Variants in PLCB1 observed in about 807,000 individuals in gnomAD.
PLCB1 encodes the protein 1-phosphatidylinositol 4,5-bisphosphate phosphodiesterase beta-1.
PLCB1 carries 46 observed loss-of-function variants against 161.8 expected under a neutral mutation model. The observed-to-expected ratio is 0.28, with a 90% CI of 0.22 to 0.36. PLCB1 has a LOEUF of 0.36. Among genes scored for constraint, PLCB1 ranks in the 10% least tolerant of loss-of-function variants. The pLI is 1.00. For synonymous variants in PLCB1, 517 were observed against 503.7 expected, an observed-to-expected ratio of 1.03 and a Z score of -0.35; for missense variants, 1,016 against 1,472.5, an observed-to-expected ratio of 0.69 and a Z score of 5.07.
intron 2 of PLCB1, among the ~76,000 whole-genome samples, chr20:8,202,820 G>A (rs1038742861): frequency 6.6e-6 from 1 of 152,130 alleles, no homozygotes; most frequent in Non-Finnish European, 1.5e-5. Context: ...GGGAGCACAG[G>A]GATGGAAATA....
At position 8,643,615 on chromosome 20, in the gene PLCB1, A is replaced by G. The variant is rs544667678; in HGVS notation, c.385-2487A>G. On this transcript the variant is annotated intron_variant, in intron 4 of 31. Coordinates refer to ENST00000338037, the MANE Select transcript of PLCB1 (RefSeq NM_015192.4). ...AGAAACAACAAAAAAACAGGTGGCA[A>G]AGCAATTAAACTAAAAGACATTATT... Among the ~76,000 whole-genome samples, 48 of 152,276 alleles carry G rather than the reference A, an allele frequency of 3.2e-4. No homozygotes were observed. The South Asian group carries it at 9.7e-3, about 31-fold the overall frequency.
At chr20:8,413,004 C>T (rs550596129) in intron 3 of PLCB1, among the ~76,000 whole-genome samples, 12 of 150,214 alleles carry the variant, frequency 8.0e-5, no homozygotes, top group South Asian at 2.1e-4. Flanking sequence ...ATTTACCCAG[C>T]GAATTGGTTT....
intron 4 of PLCB1, among the ~76,000 whole-genome samples, chr20:8,632,034 G>GTTTTT (rs750797408): frequency 6.1e-5 from 5 of 81,750 alleles, no homozygotes; most frequent in East Asian, 1.2e-3. Context: ...GGTTTTTTTT[G>GTTTTT]CTTTTTTTTT....
At chr20:8,365,987 A>T (rs1465385980) in intron 2 of PLCB1, among the ~76,000 whole-genome samples, 1 of 152,112 alleles carries the variant, frequency 6.6e-6, no homozygotes, top group Non-Finnish European at 1.5e-5. Context: ...TTCATGTCTC[A>T]TCTACCACAC....
chr20:8,259,494 T>C (rs1414355384), intron 2 of PLCB1, among the ~76,000 whole-genome samples: 2 of 152,096 alleles, frequency 1.3e-5, no homozygotes, highest in African/African-American at 2.4e-5. Flanking sequence ...CACACTCCTG[T>C]GGTCCCAGCT....
At chr20:8,388,990 T>A (rs1322731229) in intron 3 of PLCB1, among the ~76,000 whole-genome samples, 1 of 152,212 alleles carries the variant, frequency 6.6e-6, no homozygotes, top group Non-Finnish European at 1.5e-5. Flanking sequence ...GATGTTTGCA[T>A]TTAAAACTCT....
At chr20:8,497,863 T>G (rs1274072181) in intron 3 of PLCB1, among the ~76,000 whole-genome samples, 1 of 152,196 alleles carries the variant, frequency 6.6e-6, no homozygotes, top group Non-Finnish European at 1.5e-5. Context: ...CTATAGAAAT[T>G]TAGCCTATTA....
intron 3 of PLCB1, among the ~76,000 whole-genome samples, chr20:8,391,761 A>G (rs1987590530): frequency 1.1e-5 from 1 of 88,460 alleles, no homozygotes; most frequent in South Asian, 4.7e-4. Flanking sequence ...GTAAATAATG[A>G]AGTATATATA....
intron 10 of PLCB1, 81 bp from the exon 11 acceptor site, chr20:8,697,545 A>T (rs1333446384): frequency 1.4e-6 from 2 of 1,407,152 alleles, no homozygotes; most frequent in Non-Finnish European, 2.0e-6. Flanking sequence ...TTTTCCTGTT[A>T]TTGAGGAGCC....
chr20:8,623,658 T>TA (rs771391969), intron 3 of PLCB1, among the ~76,000 whole-genome samples: 2 of 152,158 alleles, frequency 1.3e-5, no homozygotes, highest in African/African-American at 2.4e-5. Context: ...AAAAAATAGC[T>TA]AAAAAATATT....
chr20:8,878,772 A>G (rs997568122), intron 31 of PLCB1, among the ~76,000 whole-genome samples: 1 of 151,030 alleles, frequency 6.6e-6, no homozygotes, highest in African/African-American at 2.4e-5. Flanking sequence ...AATAATTTTT[A>G]TAAATTTTTA....
Position 8,404,674 on chromosome 20 carries a change from GT to G in PLCB1, c.246+33228del, listed in dbSNP as rs1205486866. On this transcript the variant is annotated intron_variant, in intron 3 of 31. Transcript: ENST00000338037. ...ACATTCTATAATTTAAATATTCAAAGTTTTGAAAATGTACAGATTCTTTTAG... is the reference window on the plus strand; with the variant it reads ...ACATTCTATAATTTAAATATTCAAAGTTTGAAAATGTACAGATTCTTTTAG... Among the ~76,000 whole-genome samples, 4 of 152,168 alleles carry G rather than the reference GT, an allele frequency of 2.6e-5. No homozygotes were observed. In the East Asian group the frequency reaches 7.7e-4, roughly 29 times the overall value.
At chr20:8,414,693 T>C (rs1016086610) in intron 3 of PLCB1, among the ~76,000 whole-genome samples, 1 of 152,210 alleles carries the variant, frequency 6.6e-6, no homozygotes, top group Non-Finnish European at 1.5e-5. Flanking sequence ...TCTGTATCTG[T>C]GTTGTCTGTA....
At chr20:8,707,558 C>T (rs1978756413) in intron 11 of PLCB1, among the ~76,000 whole-genome samples, 1 of 152,120 alleles carries the variant, frequency 6.6e-6, no homozygotes, top group Admixed American at 6.6e-5. Flanking sequence ...GCATGCATTA[C>T]TCTGGGCAAT....
intron 9 of PLCB1, among the ~76,000 whole-genome samples, chr20:8,671,375 G>GCCC (rs1989939376): frequency 6.6e-6 from 1 of 152,200 alleles, no homozygotes; most frequent in Non-Finnish European, 1.5e-5. Context: ...ATGTTGGCAT[G>GCCC]ACAAGTTTTC....
intron 3 of PLCB1, among the ~76,000 whole-genome samples, chr20:8,411,404 A>T (rs974469672): frequency 1.3e-5 from 2 of 152,216 alleles, no homozygotes; most frequent in African/African-American, 4.8e-5. Flanking sequence ...TTTAAAATAT[A>T]TGTATAACTC....
At chr20:8,645,070 G>A (rs962543178) in intron 4 of PLCB1, among the ~76,000 whole-genome samples, 8 of 152,034 alleles carry the variant, frequency 5.3e-5, no homozygotes, top group African/African-American at 2.4e-5. Flanking sequence ...GGGTTAAATG[G>A]ATTAAGGGCG....
intron 3 of PLCB1, among the ~76,000 whole-genome samples, chr20:8,513,431 A>C (rs1983976209): frequency 6.6e-6 from 1 of 152,234 alleles, no homozygotes; most frequent in Non-Finnish European, 1.5e-5. Flanking sequence ...TTTCATGGTA[A>C]AGTTGCAATA....
intron 31 of PLCB1, among the ~76,000 whole-genome samples, chr20:8,852,577 GGTCAGT>G (rs1986925394): frequency 6.6e-6 from 1 of 152,130 alleles, no homozygotes. Context: ...ATCAGTAGAG[GGTCAGT>G]TACAGACAAG....
Sources: gnomAD v4.1 joint callset for allele counts (sites outside exome capture counted in the v4.1 genomes callset) on GRCh38, gnomAD v4.1.1 for gene constraint, MANE v1.5 for transcripts, NCBI Gene and HGNC (gene_info 2026-07-23, HGNC 2026-07-21) for gene names.